Variants in RBM44 observed in about 807,000 individuals in gnomAD.
RBM44 encodes the protein RNA-binding protein 44.
RBM44 carries 66 observed loss-of-function variants against 105.1 expected under a neutral mutation model. The ratio of observed to expected loss-of-function variants is 0.63; its 90% CI spans 0.52 to 0.77. RBM44 has a LOEUF of 0.77. Ranked by LOEUF, RBM44 falls within the 30% of genes least tolerant of loss-of-function variation. The pLI, the probability that RBM44 is intolerant of heterozygous loss-of-function variation, is 0.00. For missense variants in RBM44, 1,122 were observed against 1,207.8 expected, an observed-to-expected ratio of 0.93 and a Z score of 1.05; for synonymous variants, 365 against 417.6, an observed-to-expected ratio of 0.87 and a Z score of 1.54.
At chr2:237,813,385 T>C (rs1023906129) in intron 1 of RBM44, among the ~76,000 whole-genome samples, 5 of 152,232 alleles carry the variant, frequency 3.3e-5, no homozygotes, top group African/African-American at 4.8e-5. Context: ...TGGAAACTTT[T>C]TATCTAGGTT....
At chr2:237,822,191 G>A (rs1040278975) in intron 8 of RBM44, among the ~76,000 whole-genome samples, 1 of 152,052 alleles carries the variant, frequency 6.6e-6, no homozygotes, top group Non-Finnish European at 1.5e-5. Flanking sequence ...CTAACACTTT[G>A]TACGTTCATC....
intron 1 of RBM44, among the ~76,000 whole-genome samples, chr2:237,804,328 G>T (rs1337841538): frequency 6.6e-6 from 1 of 152,216 alleles, no homozygotes; most frequent in Non-Finnish European, 1.5e-5. Context: ...TAATGGGATT[G>T]CTGGGTCAAA....
At chr2:237,825,564 G>A (rs1047525988) in intron 10 of RBM44, among the ~76,000 whole-genome samples, 1 of 152,114 alleles carries the variant, frequency 6.6e-6, no homozygotes, top group Non-Finnish European at 1.5e-5. Context: ...TTCATGTCAC[G>A]TATCACAATA....
At chr2:237,823,214 A>G (rs562777751) in intron 8 of RBM44, among the ~76,000 whole-genome samples, 1 of 152,114 alleles carries the variant, frequency 6.6e-6, no homozygotes, top group African/African-American at 2.4e-5. Flanking sequence ...CACAGTCATT[A>G]TACACAGACT....
chr2:237,807,131 G>A (rs538401040), intron 1 of RBM44, among the ~76,000 whole-genome samples: 1 of 152,102 alleles, frequency 6.6e-6, no homozygotes, highest in African/African-American at 2.4e-5. Flanking sequence ...CTTATTCACT[G>A]AAGGCAATTT....
intron 15 of RBM44, among the ~76,000 whole-genome samples, chr2:237,837,608 AT>A (rs2061972529): frequency 6.6e-6 from 1 of 152,230 alleles, no homozygotes; most frequent in Non-Finnish European, 1.5e-5. Flanking sequence ...CTGCAACCTC[AT>A]GATAAAATTT....
In RBM44 at chr2:237,824,642, G is replaced by A. The variant is rs555717184; in HGVS notation, c.2449+223G>A. ...CTTAAATCCAAGATTTAGTTAACAG[G>A]TAGATACCCGCATTCTTCCTCTTGC... On this transcript the variant is annotated intron_variant, in intron 10 of 15. Coordinates refer to ENST00000316997, the MANE Select transcript of RBM44 (RefSeq NM_001080504.3). 1.6e-3 allele frequency among the ~76,000 whole-genome samples: 243 copies of A among 152,212 alleles called. 1 individual carries two copies. Among genetic ancestry groups the A allele is most frequent in the African/African-American group, 5.1e-3 (211 of 41,530 alleles).
intron 1 of RBM44, among the ~76,000 whole-genome samples, chr2:237,799,940 T>C (rs377251481): frequency 6.6e-5 from 10 of 152,110 alleles, no homozygotes; most frequent in African/African-American, 1.9e-4. Flanking sequence ...TTTCGTGCAC[T>C]GGAGGAAATA....
intron 1 of RBM44, among the ~76,000 whole-genome samples, chr2:237,810,915 A>G (rs2061652297): frequency 6.6e-6 from 1 of 152,158 alleles, no homozygotes; most frequent in South Asian, 2.1e-4. Flanking sequence ...TGTGGTCTCA[A>G]CCAGTTTGAA....
chr2:237,828,784 T>C (rs1270613901), intron 12 of RBM44, among the ~76,000 whole-genome samples: 2 of 152,298 alleles, frequency 1.3e-5, no homozygotes, highest in Non-Finnish European at 2.9e-5. Flanking sequence ...AGATACACTT[T>C]TGCATATTCT....
chr2:237,840,252 C>T (rs942894977), intron 15 of RBM44, among the ~76,000 whole-genome samples: 2 of 148,856 alleles, frequency 1.3e-5, no homozygotes, highest in Non-Finnish European at 3.0e-5. Flanking sequence ...ATAGAAACCT[C>T]AGAAAATAAT....
At chr2:237,837,220 G>GT (rs2061969006) in intron 15 of RBM44, among the ~76,000 whole-genome samples, 1 of 152,056 alleles carries the variant, frequency 6.6e-6, no homozygotes, top group African/African-American at 2.4e-5. Flanking sequence ...AAATTAATGG[G>GT]GTTTTTTTTA....
intron 1 of RBM44, among the ~76,000 whole-genome samples, chr2:237,809,537 C>T (rs2061635561): frequency 6.6e-6 from 1 of 152,146 alleles, no homozygotes; most frequent in African/African-American, 2.4e-5. Context: ...ACACATATTG[C>T]TCCTTCTCAC....
At chr2:237,827,601 G>T in intron 12 of RBM44, 98 bp downstream of exon 12, 1 of 733,552 alleles carries the variant, frequency 1.4e-6, no homozygotes, top group South Asian at 1.8e-5. Context: ...TAAAGTCAAG[G>T]GTTATTCTCA....
At chr2:237,821,531 G>A (rs2061790347) in intron 7 of RBM44, among the ~76,000 whole-genome samples, 163 bp downstream of exon 7, 1 of 151,942 alleles carries the variant, frequency 6.6e-6, no homozygotes, top group African/African-American at 2.4e-5. Context: ...AATGTATGGG[G>A]TACATGTAAT....
intron 15 of RBM44, chr2:237,835,005 A>C (rs770741359): frequency 6.6e-6 from 1 of 152,292 alleles, no homozygotes; most frequent in Non-Finnish European, 1.5e-5. Context: ...AAGCAAGTCT[A>C]TCAGCGCCAT....
intron 8 of RBM44, 56 bp downstream of exon 8, chr2:237,821,883 A>C: frequency 3.4e-6 from 4 of 1,169,692 alleles, no homozygotes; most frequent in Non-Finnish European, 5.0e-6. Context: ...GTTTACGTAA[A>C]GTAAATCATA....
Position 237,826,616 on chromosome 2 carries a change from C to A in RBM44, c.2450-634C>A, listed in dbSNP as rs367694634. The stretch of plus-strand genomic sequence containing the variant: ...AGAGCTCTCAGACCACTAGCTCTAG[C>A]CAGCATTAACACTAGGGAGTTAAGA... On this transcript the variant is annotated intron_variant, in intron 10 of 15. Coordinates refer to ENST00000316997, the MANE Select transcript of RBM44 (RefSeq NM_001080504.3). Among the ~76,000 whole-genome samples the A allele has an allele frequency of 3.6e-4, 55 of 152,190 alleles. 1 individual carries two copies. Among genetic ancestry groups the A allele is most frequent in the African/African-American group, 1.3e-3 (52 of 41,536 alleles).
chr2:237,808,218 T>C (rs577301720), intron 1 of RBM44, among the ~76,000 whole-genome samples: 8 of 152,070 alleles, frequency 5.3e-5, no homozygotes, highest in African/African-American at 9.7e-5. Context: ...TTTGGGAGAC[T>C]GAGGTGGGCG....
Sources: allele counts gnomAD v4.1 joint callset (sites outside exome capture counted in the v4.1 genomes callset), GRCh38; gene constraint gnomAD v4.1.1; transcripts MANE v1.5; gene names NCBI Gene and HGNC (gene_info 2026-07-23, HGNC 2026-07-21).